NPLOC4: variants seen among roughly 807,000 people sequenced by gnomAD.
The protein encoded by NPLOC4 is nuclear protein localization protein 4 homolog.
In NPLOC4, 18 loss-of-function variants were observed where a neutral mutation model predicts 80.6. That is an observed-to-expected ratio of 0.22 (90% CI 0.15 to 0.33). The LOEUF is 0.33. Among genes scored for constraint, NPLOC4 ranks in the 10% least tolerant of loss-of-function variants. The pLI is 1.00. For synonymous variants in NPLOC4, 313 were observed against 301.5 expected, an observed-to-expected ratio of 1.04 and a Z score of -0.39; for missense variants, 540 against 786.1, an observed-to-expected ratio of 0.69 and a Z score of 3.74.
chr17:81,627,614 C>T (rs900291689), intron 2 of NPLOC4, among the ~76,000 whole-genome samples: 5 of 152,030 alleles, frequency 3.3e-5, no homozygotes, highest in Non-Finnish European at 7.4e-5. Context: ...TGGCGTATGC[C>T]TGTAATCCCA....
chr17:81,636,858 C>T, intron 1 of NPLOC4, 58 bp downstream of exon 1: 2 of 1,382,512 alleles, frequency 1.4e-6, no homozygotes, highest in Non-Finnish European at 1.9e-6. Flanking sequence ...CAGGCCGAGG[C>T]CGGCAAATCT....
Position 81,580,200 on chromosome 17 carries a change from A to G in NPLOC4, c.1282-8112T>C, listed in dbSNP as rs1158338927. ...GCACCACCCCAACACCATCTGTACC[A>G]TGTGCCTCTCCCAAGCAATGCGCTC... is the stretch of plus-strand genomic sequence containing the variant. On this transcript the variant is annotated intron_variant, in intron 12 of 16. Coordinates refer to ENST00000331134, the MANE Select transcript of NPLOC4 (RefSeq NM_017921.4). The surrounding 1 kb of genome is among the most constrained non-coding windows in gnomAD (Gnocchi z 4.4). 6.6e-6 allele frequency among the ~76,000 whole-genome samples: 1 copy of G among 152,020 alleles called. No homozygotes were observed. The highest frequency in any genetic ancestry group is 2.4e-5 in the African/African-American group (1 of 41,382).
At chr17:81,619,635 T>G (rs975890252) in intron 3 of NPLOC4, among the ~76,000 whole-genome samples, 1 of 151,698 alleles carries the variant, frequency 6.6e-6, no homozygotes, top group East Asian at 1.9e-4. Flanking sequence ...TGCCAACACT[T>G]TGGGAGGCTG....
At chr17:81,581,557 G>A (rs531627758) in intron 12 of NPLOC4, among the ~76,000 whole-genome samples, 2 of 152,198 alleles carry the variant, frequency 1.3e-5, no homozygotes, top group African/African-American at 4.8e-5. Context: ...GGAGACAACT[G>A]GCTCCAGCCA....
At chr17:81,615,096 G>GCTTC in intron 3 of NPLOC4, among the ~76,000 whole-genome samples, 1 of 81,182 alleles carries the variant, frequency 1.2e-5, no homozygotes, top group South Asian at 5.1e-4. Context: ...AGAGACGTCT[G>GCTTC]TTTCTTTTTT....
chr17:81,608,015 A>G (rs1469032343), intron 6 of NPLOC4, among the ~76,000 whole-genome samples: 1 of 152,218 alleles, frequency 6.6e-6, no homozygotes, highest in African/African-American at 2.4e-5. Context: ...AAGGTCATAC[A>G]GGCAAGGGCT....
At chr17:81,578,010 A>C (rs1364301480) in intron 12 of NPLOC4, among the ~76,000 whole-genome samples, 1 of 151,994 alleles carries the variant, frequency 6.6e-6, no homozygotes, top group Non-Finnish European at 1.5e-5. Flanking sequence ...GCACCTGTCC[A>C]CTGCCTCTCC....
Sources: allele counts gnomAD v4.1 joint callset (sites outside exome capture counted in the v4.1 genomes callset), GRCh38; gene constraint gnomAD v4.1.1; non-coding constraint Gnocchi (gnomAD v3.1); transcripts MANE v1.5; gene names NCBI Gene and HGNC (gene_info 2026-07-23, HGNC 2026-07-21).